CSMD1: variants seen among roughly 807,000 people sequenced by gnomAD.
CSMD1 encodes CUB and Sushi multiple domains 1, also known as CUB and sushi domain-containing protein 1.
Under a neutral mutation model 417.5 loss-of-function variants are expected in CSMD1, and 213 were observed. That is an observed-to-expected ratio of 0.51 (90% confidence interval 0.46 to 0.57). The LOEUF (loss-of-function observed/expected upper bound fraction) is 0.57, where lower values mean the gene tolerates loss of function less well. Ranked by LOEUF, CSMD1 falls within the 20% of genes least tolerant of loss-of-function variation. The pLI is 0.00. For synonymous variants in CSMD1, 2,862 were observed against 1,736.8 expected (o/e 1.65, Z -16.11); for missense variants, 6,923 against 4,529.7 (o/e 1.53, Z -15.17).
chr8:4,418,864 G>T (rs547270043), intron 3 of CSMD1, among the ~76,000 whole-genome samples: 2 of 152,114 alleles, frequency 1.3e-5, no homozygotes, highest in African/African-American at 4.8e-5. Flanking sequence ...AAATGCGGTG[G>T]CATGAAAGAC....
chr8:4,647,612 G>A (rs1396761140), intron 1 of CSMD1, among the ~76,000 whole-genome samples: 1 of 151,018 alleles, frequency 6.6e-6, no homozygotes, highest in East Asian at 2.0e-4. Flanking sequence ...TCCCCTCTCT[G>A]TATCTATGTG....
At chr8:3,226,400 T>A (rs993378598) in intron 27 of CSMD1, among the ~76,000 whole-genome samples, 3 of 151,938 alleles carry the variant, frequency 2.0e-5, no homozygotes, top group Non-Finnish European at 2.9e-5. Context: ...CTGGCTAACA[T>A]AGCAAAACCT....
intron 7 of CSMD1, among the ~76,000 whole-genome samples, chr8:3,664,177 A>G (rs1282242989): frequency 1.3e-5 from 2 of 151,814 alleles, no homozygotes; most frequent in East Asian, 3.9e-4. Context: ...TACTATCCCT[A>G]CCCTAGACCC....
chr8:4,664,314 C>T (rs1804783742), intron 1 of CSMD1, among the ~76,000 whole-genome samples: 1 of 152,186 alleles, frequency 6.6e-6, no homozygotes, highest in Non-Finnish European at 1.5e-5. Context: ...AATCTCAGCA[C>T]TGTGGAAGGC....
intron 7 of CSMD1, among the ~76,000 whole-genome samples, chr8:3,671,540 TATATGATCATATATATGATC>T (rs1410938674): frequency 0.047 from 324 of 6,940 alleles, 56 homozygotes; most frequent in African/African-American, 0.079. Context: ...TATATATATA[TATATGATCATATATATGATC>T]ATATATATAT....
intron 23 of CSMD1, among the ~76,000 whole-genome samples, chr8:3,341,882 A>G (rs1172623503): frequency 6.6e-6 from 1 of 152,190 alleles, no homozygotes; most frequent in Non-Finnish European, 1.5e-5. Flanking sequence ...AAGTAAGAAA[A>G]CAAAATACAT....
chr8:3,017,696 A>G (rs7835923), intron 52 of CSMD1, among the ~76,000 whole-genome samples: 2,789 of 152,018 alleles, frequency 0.018, 87 homozygotes, highest in African/African-American at 0.063. Flanking sequence ...GAAAAGAAGA[A>G]CAGGTTTTGC....
chr8:3,140,475 G>C (rs1218591392), intron 41 of CSMD1, among the ~76,000 whole-genome samples: 1 of 152,046 alleles, frequency 6.6e-6, no homozygotes, highest in East Asian at 1.9e-4. Context: ...GAAAAATGCT[G>C]GCAATGTCTA....
intron 5 of CSMD1, among the ~76,000 whole-genome samples, chr8:3,826,343 T>G (rs1389292868): frequency 6.6e-6 from 1 of 152,038 alleles, no homozygotes; most frequent in African/African-American, 2.4e-5. Context: ...AAAAGAATGT[T>G]TGGGTTTGAA....
intron 3 of CSMD1, among the ~76,000 whole-genome samples, chr8:4,364,055 G>C (rs1012112336): frequency 2.0e-5 from 3 of 152,160 alleles, no homozygotes; most frequent in African/African-American, 7.2e-5. Flanking sequence ...TAATTGAATT[G>C]TCTGTAACAG....
At chr8:3,649,279 G>A (rs1289858242) in intron 7 of CSMD1, among the ~76,000 whole-genome samples, 1 of 152,108 alleles carries the variant, frequency 6.6e-6, no homozygotes. Flanking sequence ...ATATTACTAT[G>A]TGAGAACCAA....
chr8:3,627,540 C>G (rs538979646), intron 7 of CSMD1, among the ~76,000 whole-genome samples: 1 of 152,208 alleles, frequency 6.6e-6, no homozygotes, highest in East Asian at 1.9e-4. Context: ...TGTTCCTCAT[C>G]ATAGTACATT....
chr8:4,700,313 G>T (rs749029534), intron 1 of CSMD1, among the ~76,000 whole-genome samples: 1 of 151,642 alleles, frequency 6.6e-6, no homozygotes, highest in African/African-American at 2.4e-5. Flanking sequence ...ATGTTTTAAA[G>T]GATTATTTTA....
chr8:3,222,277 G>T (rs1798263243), intron 28 of CSMD1, among the ~76,000 whole-genome samples: 1 of 151,960 alleles, frequency 6.6e-6, no homozygotes, highest in Admixed American at 6.6e-5. Flanking sequence ...TGCACTTTAT[G>T]GGAGGGAGGA....
At chr8:3,500,412 G>A (rs1362488058) in intron 10 of CSMD1, among the ~76,000 whole-genome samples, 1 of 152,108 alleles carries the variant, frequency 6.6e-6, no homozygotes, top group Non-Finnish European at 1.5e-5. Flanking sequence ...CTTGGGAGAG[G>A]TTCACGACCA....
intron 2 of CSMD1, among the ~76,000 whole-genome samples, chr8:4,511,862 G>T (rs1802838980): frequency 6.6e-6 from 1 of 152,146 alleles, no homozygotes; most frequent in African/African-American, 2.4e-5. Flanking sequence ...GAATATTGGA[G>T]AAGAGCCTCC....
In CSMD1 at chr8:3,450,885, G is replaced by A. The variant is rs1030542299; in HGVS notation, c.1561+17827C>T. 6.1e-4 allele frequency among the ~76,000 whole-genome samples: 92 copies of A among 151,824 alleles called. 1 individual carries two copies. Among genetic ancestry groups the A allele is most frequent in the South Asian group, 2.5e-3 (12 of 4,786 alleles). On this transcript the variant is annotated intron_variant, in intron 12 of 69. Transcript: ENST00000635120. ...TCTAGTTCTAGATCCCTGAGGAATC[G>A]CCACACTGACTTCCACAATGGTTGA... is the stretch of plus-strand genomic sequence containing the variant.
At chr8:3,499,523 C>G (rs891732345) in intron 10 of CSMD1, among the ~76,000 whole-genome samples, 1 of 152,024 alleles carries the variant, frequency 6.6e-6, no homozygotes, top group African/African-American at 2.4e-5. Flanking sequence ...TCACTGCTGG[C>G]AGCAGTACCC....
intron 3 of CSMD1, among the ~76,000 whole-genome samples, chr8:4,279,086 AT>A (rs926488387): frequency 1.1e-4 from 16 of 151,838 alleles, no homozygotes; most frequent in African/African-American, 3.6e-4. Flanking sequence ...CATTTTCCTA[AT>A]TTTTTTTTAA....
Sources: allele counts gnomAD v4.1 joint callset (sites outside exome capture counted in the v4.1 genomes callset), GRCh38; gene constraint gnomAD v4.1.1; transcripts MANE v1.5; gene names NCBI Gene and HGNC (gene_info 2026-07-23, HGNC 2026-07-21).